Variants in MTSS2 observed in about 807,000 individuals in gnomAD.
The protein encoded by MTSS2 is protein MTSS 2.
MTSS2 carries 27 observed loss-of-function variants against 67.1 expected under a neutral mutation model. That is an observed-to-expected ratio of 0.40 (90% CI 0.30 to 0.55). MTSS2 has a LOEUF of 0.55. Ranked by LOEUF, MTSS2 falls within the 20% of genes least tolerant of loss-of-function variation. The pLI is 0.43. For missense variants in MTSS2, 1,171 were observed against 1,067.8 expected (o/e 1.10, Z -1.35); for synonymous variants, 624 against 468.6 (o/e 1.33, Z -4.28).
chr16:70,677,338 G>A (rs947999481), intron 9 of MTSS2, among the ~76,000 whole-genome samples: 12 of 152,314 alleles, frequency 7.9e-5, no homozygotes, highest in African/African-American at 2.6e-4. Context: ...TGCTGGGCAT[G>A]CAACAAGTGC....
chr16:70,662,152 G>A lies in MTSS2; in HGVS notation c.*1525C>T, dbSNP rs746354063. 3 of 151,960 alleles carry A rather than the reference G, an allele frequency of 2.0e-5. No homozygotes were observed. Among genetic ancestry groups the A allele is most frequent in the African/African-American group, 4.8e-5 (2 of 41,366 alleles). The allele number at this position is 151,960 out of a possible 1,614,324, so 9.4% of individuals were successfully genotyped here. A position where few individuals can be genotyped will look rare whatever the true frequency, so the allele number is the denominator to read the frequency against. On this transcript the variant is annotated 3_prime_UTR_variant, in exon 15 of 15. Coordinates refer to ENST00000338779, the MANE Select transcript of MTSS2 (RefSeq NM_138383.3). ...CAGCTCACCGCACAAGAACTCCCAG[G>A]AGCTCAAGCCTGGGAGGCTCAGACC...
chr16:70,683,983 G>T (rs58582448), intron 1 of MTSS2, among the ~76,000 whole-genome samples: 6,677 of 152,302 alleles, frequency 0.044, 391 homozygotes, highest in African/African-American at 0.14. Flanking sequence ...GCCTCCACAT[G>T]TCAGCAAATC....
rs1174852523 is a variant in MTSS2 at position 70,679,655 on chromosome 16, C to T, written c.432G>A (p.Leu144=). The part of the protein sequence containing the change: ...HEIKKKSSDT[L]KLQKKARKEL... ...CTTTGCGCGCCTTCTTCTGCAGCTT[C>T]AGCGTGTCCGACGACTTCTTTTTGA... Residue 144 remains leucine, a synonymous_variant, in exon 6 of 15, where the codon CTG becomes CTA. Transcript: ENST00000338779. 3 of 1,609,408 alleles carry T rather than the reference C, an allele frequency of 1.9e-6. No homozygotes were observed. The highest frequency in any genetic ancestry group is 2.5e-6 in the Non-Finnish European group (3 of 1,178,130).
At chr16:70,680,543 T>A (rs945968960) in intron 3 of MTSS2, among the ~76,000 whole-genome samples, 25 of 151,354 alleles carry the variant, frequency 1.7e-4, no homozygotes, top group Admixed American at 1.5e-3. Context: ...TGCTGGGGGG[T>A]CACATGAACA....
chr16:70,664,408 T>C lies in MTSS2; in HGVS notation c.1513A>G (p.Ser505Gly). 5 of 1,554,508 alleles carry C rather than the reference T, an allele frequency of 3.2e-6. No individual in the cohort carries two copies. Among genetic ancestry groups the C allele is most frequent in the Non-Finnish European group, 4.3e-6 (5 of 1,155,096 alleles). ...DCYSVNGDADSEGPPEFDKSS... is the reference protein window; with the variant it reads ...DCYSVNGDADGEGPPEFDKSS... ...TTGTCAAACTCGGGCGGGCCCTCGC[T>C]GTCCGCATCCCCATTCACGGAGTAG... The change falls in exon 15 of 15, where the codon AGC becomes GGC. Residue 505 changes from serine to glycine, a missense_variant. Physicochemically the swap from Ser to Gly is moderately conservative, Grantham distance 56 (BLOSUM62 0). This residue lies in a region of MTSS2 where 924 missense variants were observed against 756.0 expected (regional missense o/e 1.22). Coordinates refer to ENST00000338779, the MANE Select transcript of MTSS2 (RefSeq NM_138383.3).
At chr16:70,664,829 G>A (rs1478145690) in intron 13 of MTSS2, 66 bp from the exon 14 acceptor site, 2 of 1,528,342 alleles carry the variant, frequency 1.3e-6, no homozygotes, top group Non-Finnish European at 1.8e-6. Flanking sequence ...ATTCCAGGCA[G>A]CCCTGCCAGG....
Position 70,674,465 on chromosome 16 carries a change from T to A in MTSS2, c.894A>T (p.Thr298=). The change falls in exon 11 of 15, where the codon ACA becomes ACT. Residue 298 remains threonine (T), a synonymous_variant. Coordinates refer to ENST00000338779, the MANE Select transcript of MTSS2 (RefSeq NM_138383.3). ...AGCGACAGGTGGAACTGGGTGAGTA[T>A]GTTTGGGCACCCCCAGGCCATGGGG... ...GGAPWPGGAQ[T]YSPSSTCRYR... 6.2e-7 allele frequency: 1 copy of A among 1,614,078 alleles called. No individual in the cohort carries two copies. Among genetic ancestry groups the A allele is most frequent in the South Asian group, 1.1e-5 (1 of 91,080 alleles).
chr16:70,661,770 G>A lies in MTSS2; in HGVS notation c.*1907C>T, dbSNP rs1267931015. On this transcript the variant is annotated 3_prime_UTR_variant, in exon 15 of 15. Coordinates refer to ENST00000338779, the MANE Select transcript of MTSS2 (RefSeq NM_138383.3). ...GAGCCCCCCTCTCTGGGTAGCCCCT[G>A]CCTCCTTTCCCATCAGGACCTCTGA... 1 of 189,640 alleles carries A rather than the reference G, an allele frequency of 5.3e-6. No homozygotes were observed. The highest frequency in any genetic ancestry group is 5.6e-5 in the Admixed American group (1 of 17,844). The allele number at this position is 189,640 out of a possible 1,614,324, so 11.7% of individuals were successfully genotyped here.
chr16:70,672,599 T>C (rs1283206285), intron 11 of MTSS2, among the ~76,000 whole-genome samples: 1 of 150,976 alleles, frequency 6.6e-6, no homozygotes, highest in Non-Finnish European at 1.5e-5. Context: ...TTTACAACTT[T>C]TCTACAAGTC....
At position 70,663,591 on chromosome 16, in the gene MTSS2, C is replaced by G. The variant is rs1041068506; in HGVS notation, c.*86G>C. 21 of 1,456,136 alleles carry G rather than the reference C, an allele frequency of 1.4e-5. No homozygotes were observed. In the African/African-American group the frequency reaches 2.1e-4, roughly 15 times the overall value. The allele number at this position is 1,456,136 out of a possible 1,614,324, so 90.2% of individuals were successfully genotyped here. On this transcript the variant is annotated 3_prime_UTR_variant, in exon 15 of 15. Transcript: ENST00000338779. ...GCCCTGGCTCTGTCCTCTCTCCTGG[C>G]TGGGCCTTTGCTCTGAGTGCCTGCG... is the stretch of plus-strand genomic sequence containing the variant.
At chr16:70,681,529 C>A (rs943340593) in intron 1 of MTSS2, among the ~76,000 whole-genome samples, 1 of 152,242 alleles carries the variant, frequency 6.6e-6, no homozygotes, top group Non-Finnish European at 1.5e-5. Flanking sequence ...GCCTCCGGGG[C>A]CCCTGCCCTG....
rs140527791 is a variant in MTSS2 at position 70,661,219 on chromosome 16, A to G, written c.*2458T>C. The G allele has an allele frequency of 1.8e-3, 800 of 453,768 alleles. 3 individuals carry two copies. The highest frequency in any genetic ancestry group is 0.013 in the African/African-American group (652 of 49,790). The allele number at this position is 453,768 out of a possible 1,614,324, so 28.1% of individuals were successfully genotyped here. A position where few individuals can be genotyped will look rare whatever the true frequency, so the allele number is the denominator to read the frequency against. On this transcript the variant is annotated 3_prime_UTR_variant, in exon 15 of 15. Coordinates refer to ENST00000338779, the MANE Select transcript of MTSS2 (RefSeq NM_138383.3). The stretch of plus-strand genomic sequence containing the variant: ...GAGGCAGGGGTGTTAATTACAGTAC[A>G]CCTTTATTAATACTGGAATCTTCAC...
At position 70,664,614 on chromosome 16, in the gene MTSS2, G is replaced by A. The variant is rs1409532289; in HGVS notation, c.1455C>T (p.Asp485=). 3 of 1,612,834 alleles carry A rather than the reference G, an allele frequency of 1.9e-6. No individual in the cohort carries two copies. The highest frequency in any genetic ancestry group is 1.7e-6 in the Non-Finnish European group (2 of 1,179,676). ...TQTTTPSCSE[D]TIPSQGSDYD... is the part of the protein sequence containing the mutation. ...CGGGCCTGCCTTGGGAGGGGATGGT[G>A]TCCTCAGAGCAGGAGGGCGTGGTGG... is the stretch of plus-strand genomic sequence containing the variant. Residue 485 remains aspartate, a synonymous_variant, in exon 14 of 15, where the codon GAC becomes GAT. Transcript: ENST00000338779.
At position 70,679,774 on chromosome 16, in the gene MTSS2, C is replaced by T. The variant is rs756039678; in HGVS notation, c.382+12G>A. The T allele has an allele frequency of 1.2e-6, 2 of 1,610,974 alleles. No individual in the cohort carries two copies. Among genetic ancestry groups the T allele is most frequent in the Admixed American group, 3.3e-5 (2 of 59,820 alleles). On this transcript the variant is annotated intron_variant, in intron 5 of 14. Transcript: ENST00000338779. ...GTGGGGGGTGGGAAGCCCGGCTCCG[C>T]GCCACCCTCACCTTTCGCGTGGTCC...
chr16:70,670,969 C>CAA (rs1166088540), intron 11 of MTSS2, among the ~76,000 whole-genome samples: 618 of 32,886 alleles, frequency 0.019, 14 homozygotes, highest in Non-Finnish European at 0.029. Flanking sequence ...GACCCTGTCT[C>CAA]AAAAAAAAAA....
rs371115949 is a variant in MTSS2 at position 70,680,791 on chromosome 16, C to T, written c.205+3G>A. ...CCCAACCTCCAGCCACGCGCCTCCCCACCTCGGGTGTTGGTAGCCATGTCA... is the reference window on the plus strand; with the variant it reads ...CCCAACCTCCAGCCACGCGCCTCCCTACCTCGGGTGTTGGTAGCCATGTCA... On this transcript the variant is annotated splice_donor_region_variant and intron_variant, in intron 3 of 14. Coordinates refer to ENST00000338779, the MANE Select transcript of MTSS2 (RefSeq NM_138383.3). The T allele has an allele frequency of 8.7e-5, 135 of 1,551,820 alleles. No individual in the cohort carries two copies. The highest frequency in any genetic ancestry group is 1.1e-4 in the Non-Finnish European group (129 of 1,147,692).
chr16:70,667,790 T>G (rs1258087132), intron 11 of MTSS2, among the ~76,000 whole-genome samples: 2 of 152,056 alleles, frequency 1.3e-5, no homozygotes, highest in Non-Finnish European at 2.9e-5. Flanking sequence ...CGAGAATAGC[T>G]TGAACCCAGG....
chr16:70,669,502 G>C (rs2052846212), intron 11 of MTSS2, among the ~76,000 whole-genome samples: 2 of 151,940 alleles, frequency 1.3e-5, no homozygotes, highest in South Asian at 4.1e-4. Context: ...GGGCAACATA[G>C]CAAGACCCTA....
intron 9 of MTSS2, 115 bp downstream of exon 9, chr16:70,677,677 C>G (rs532010697): frequency 1.3e-6 from 1 of 778,706 alleles, no homozygotes; most frequent in South Asian, 1.7e-5. Context: ...TGGTCTTATG[C>G]CCCTAGCTGC....
Sources: gnomAD v4.1 joint callset for allele counts (sites outside exome capture counted in the v4.1 genomes callset) on GRCh38, gnomAD v4.1.1 for gene constraint, gnomAD v4.1.1 regional missense constraint, MANE v1.5 for transcripts, NCBI Gene and HGNC (gene_info 2026-07-23, HGNC 2026-07-21) for gene names.